Variants in RYK observed in about 807,000 individuals in gnomAD.
RYK encodes the protein receptor like tyrosine kinase.
Under a neutral mutation model 70.2 loss-of-function variants are expected in RYK, and 21 were observed. The ratio of observed to expected loss-of-function variants is 0.30; its 90% CI spans 0.21 to 0.43. The LOEUF (loss-of-function observed/expected upper bound fraction) is 0.43, where lower values mean the gene tolerates loss of function less well. RYK is among the 20% of genes least tolerant of loss of function. The pLI is 1.00. For synonymous variants in RYK, 267 were observed against 278.0 expected, an observed-to-expected ratio of 0.96 and a Z score of 0.39; for missense variants, 604 against 753.3, an observed-to-expected ratio of 0.80 and a Z score of 2.32.
intron 13 of RYK, among the ~76,000 whole-genome samples, chr3:134,174,559 A>G (rs973260570): frequency 6.6e-6 from 1 of 152,106 alleles, no homozygotes; most frequent in African/African-American, 2.4e-5. Flanking sequence ...TATAACACAA[A>G]CAGATTATCA....
intron 1 of RYK, among the ~76,000 whole-genome samples, chr3:134,239,799 C>G (rs1166449170): frequency 6.6e-6 from 1 of 152,212 alleles, no homozygotes; most frequent in Non-Finnish European, 1.5e-5. Context: ...AAAAAAGTAT[C>G]AGATGCTTAA....
intron 1 of RYK, among the ~76,000 whole-genome samples, chr3:134,229,440 T>G (rs1342658541): frequency 2.0e-5 from 3 of 150,054 alleles, no homozygotes; most frequent in African/African-American, 7.3e-5. Flanking sequence ...AAGCAAAGAT[T>G]TCCTGGACAG....
chr3:134,238,869 A>G (rs1392023678), intron 1 of RYK, among the ~76,000 whole-genome samples: 7 of 152,088 alleles, frequency 4.6e-5, no homozygotes, highest in Non-Finnish European at 2.9e-5. Context: ...CATTTTGGGG[A>G]AAAAAAATTA....
At chr3:134,244,447 G>C (rs1304829658) in intron 1 of RYK, among the ~76,000 whole-genome samples, 1 of 152,212 alleles carries the variant, frequency 6.6e-6, no homozygotes, top group Non-Finnish European at 1.5e-5. Context: ...TAAAGAGACA[G>C]TATGAATTCA....
chr3:134,189,237 T>C (rs1307098096), intron 8 of RYK, among the ~76,000 whole-genome samples: 31 of 152,218 alleles, frequency 2.0e-4, no homozygotes, highest in Admixed American at 2.0e-3. Context: ...GTATCCACAA[T>C]GGCATTTATG....
intron 10 of RYK, chr3:134,180,166 A>C (rs2013247549): frequency 2.0e-5 from 3 of 152,148 alleles, no homozygotes; most frequent in African/African-American, 7.2e-5. Flanking sequence ...GCCATTTGGC[A>C]TAAGAAGTGT....
At chr3:134,203,311 G>A (rs2014089937) in intron 5 of RYK, among the ~76,000 whole-genome samples, 1 of 152,132 alleles carries the variant, frequency 6.6e-6, no homozygotes, top group Non-Finnish European at 1.5e-5. Context: ...TCGCTCCACT[G>A]TACTCCAGCG....
rs189292236 is a variant in RYK at position 134,220,678 on chromosome 3, G to A, written c.354+1740C>T. The stretch of plus-strand genomic sequence containing the variant: ...TATATACATACACACACATATATAT[G>A]TACATATACACACACAGGGATACAC... On this transcript the variant is annotated intron_variant, in intron 2 of 14. Transcript: ENST00000623711. Among the ~76,000 whole-genome samples the A allele has an allele frequency of 1.5e-4, 23 of 152,182 alleles. No homozygotes were observed. The Middle Eastern group carries it at 0.01, about 68-fold the overall frequency.
At chr3:134,166,928 T>C (rs915093568) in intron 13 of RYK, among the ~76,000 whole-genome samples, 1 of 152,140 alleles carries the variant, frequency 6.6e-6, no homozygotes, top group Non-Finnish European at 1.5e-5. Flanking sequence ...CTAAACAATA[T>C]CTTAATGTTA....
intron 2 of RYK, among the ~76,000 whole-genome samples, chr3:134,221,037 G>C (rs1199969712): frequency 3.3e-5 from 5 of 151,944 alleles, no homozygotes; most frequent in African/African-American, 1.2e-4. Flanking sequence ...AAGATGCCTA[G>C]ATAAGTTATT....
At chr3:134,203,071 G>A (rs1290829076) in intron 5 of RYK, among the ~76,000 whole-genome samples, 197 bp from the exon 6 acceptor site, 4 of 152,136 alleles carry the variant, frequency 2.6e-5, no homozygotes, top group African/African-American at 9.7e-5. Flanking sequence ...TTTAGGCCAG[G>A]TGTGATGGCT....
chr3:134,209,946 G>A (rs1174641287), intron 3 of RYK, 117 bp from the exon 4 acceptor site: 2 of 801,906 alleles, frequency 2.5e-6, no homozygotes, highest in Admixed American at 3.7e-5. Context: ...AAAACTAAAA[G>A]TAATACATTT....
At chr3:134,210,446 T>A (rs2014355375) in intron 3 of RYK, among the ~76,000 whole-genome samples, 1 of 152,198 alleles carries the variant, frequency 6.6e-6, no homozygotes, top group African/African-American at 2.4e-5. Flanking sequence ...TTAAAACCTA[T>A]CATTCTACCA....
At chr3:134,164,970 G>T (rs917567888) in intron 13 of RYK, among the ~76,000 whole-genome samples, 32 of 152,130 alleles carry the variant, frequency 2.1e-4, no homozygotes, top group Non-Finnish European at 4.3e-4. Flanking sequence ...TTTCCCTAAT[G>T]AATGACTAAT....
At chr3:134,215,889 T>G (rs1032579906) in intron 2 of RYK, among the ~76,000 whole-genome samples, 3 of 151,490 alleles carry the variant, frequency 2.0e-5, no homozygotes, top group South Asian at 2.1e-4. Context: ...AATACAAAAA[T>G]TAGGTGGGCA....
intron 6 of RYK, among the ~76,000 whole-genome samples, chr3:134,196,752 C>T (rs1017840806): frequency 3.9e-5 from 6 of 152,086 alleles, no homozygotes; most frequent in African/African-American, 1.2e-4. Context: ...TTTATGTAGC[C>T]TTTCTATGGC....
intron 6 of RYK, among the ~76,000 whole-genome samples, chr3:134,198,039 T>C (rs12486035): frequency 0.091 from 13,823 of 152,236 alleles, 1,288 homozygotes; most frequent in South Asian, 0.32. Flanking sequence ...CTTACTGTTA[T>C]GATAGAAGCA....
At chr3:134,169,174 T>C (rs573247692) in intron 13 of RYK, among the ~76,000 whole-genome samples, 2 of 152,308 alleles carry the variant, frequency 1.3e-5, no homozygotes, top group South Asian at 4.1e-4. Flanking sequence ...TGGAAGTTAT[T>C]TCCTTGACTT....
intron 10 of RYK, chr3:134,180,430 G>A (rs1316814336): frequency 6.6e-6 from 1 of 152,130 alleles, no homozygotes; most frequent in African/African-American, 2.4e-5. Context: ...AAAACATGAA[G>A]CAAACATGCT....
Sources: gnomAD v4.1 joint callset for allele counts (sites outside exome capture counted in the v4.1 genomes callset) on GRCh38, gnomAD v4.1.1 for gene constraint, MANE v1.5 for transcripts, NCBI Gene and HGNC (gene_info 2026-07-23, HGNC 2026-07-21) for gene names.